Variants in SCN2A observed in about 807,000 individuals in gnomAD.
The protein encoded by SCN2A is sodium voltage-gated channel alpha subunit 2.
A neutral mutation model predicts 188.7 loss-of-function variants in SCN2A; 20 were observed. That is an observed-to-expected ratio of 0.11 (90% CI 0.07 to 0.15). SCN2A has a LOEUF of 0.15. SCN2A is among the 10% of genes least tolerant of loss of function. SCN2A has a pLI of 1.00. For missense variants in SCN2A, 1,278 were observed against 2,445.0 expected (o/e 0.52, Z 10.07); for synonymous variants, 804 against 833.1 (o/e 0.97, Z 0.60).
intron 16 of SCN2A, 32 bp downstream of exon 16, chr2:165,344,943 T>G: frequency 6.2e-7 from 1 of 1,612,988 alleles, no homozygotes; most frequent in Non-Finnish European, 8.5e-7. Flanking sequence ...CTCATTTTCA[T>G]TAAAAGATAA....
At chr2:165,324,965 G>A (rs1447292286) in intron 12 of SCN2A, among the ~76,000 whole-genome samples, 1 of 152,100 alleles carries the variant, frequency 6.6e-6, no homozygotes, top group Non-Finnish European at 1.5e-5. Context: ...CTCATGGGAG[G>A]CTTCTTAAAA....
intron 3 of SCN2A, among the ~76,000 whole-genome samples, chr2:165,307,479 C>T (rs989586085): frequency 3.3e-5 from 5 of 151,978 alleles, no homozygotes; most frequent in African/African-American, 1.2e-4. Context: ...CTTGAATTGT[C>T]TTGTTGAATT....
At chr2:165,340,025 C>CAGAAAGGAAATAGA (rs1333380212) in intron 14 of SCN2A, among the ~76,000 whole-genome samples, 1 of 152,026 alleles carries the variant, frequency 6.6e-6, no homozygotes, top group South Asian at 2.1e-4. Flanking sequence ...ATAAACACTA[C>CAGAAAGGAAATAGA]AGAAAGGAAA....
rs1197406928 is a variant in SCN2A, at chr2:165,391,301, T to C, written c.*1477T>C. The C allele has an allele frequency of 1.3e-5, 2 of 152,558 alleles. No individual in the cohort carries two copies. Among genetic ancestry groups the C allele is most frequent in the Non-Finnish European group, 2.9e-5 (2 of 68,008 alleles). The allele number at this position is 152,558 out of a possible 1,614,324, so 9.5% of individuals were successfully genotyped here. A position where few individuals can be genotyped will look rare whatever the true frequency, so the allele number is the denominator to read the frequency against. ...AACACTCAATGATGAAAAGCCCGAC[T>C]GTACAAACATGTTGCAAGCTGCTTA... On this transcript the variant is annotated 3_prime_UTR_variant, in exon 27 of 27. Coordinates refer to ENST00000375437, the MANE Select transcript of SCN2A (RefSeq NM_001040142.2).
intron 1 of SCN2A, chr2:165,293,757 T>TA (rs1696337621): frequency 1.2e-6 from 1 of 861,874 alleles, no homozygotes; most frequent in Admixed American, 6.2e-5. Flanking sequence ...AATTAACACT[T>TA]AAAATCAACA....
rs146352983 is a variant in SCN2A at position 165,369,444 on chromosome 2, C to T, written c.3676-682C>T. ...AGGTCCTTGTATGGAGCTCTGGTTA[C>T]AAGCCCTGATTCTTGTTATCTAAAA... On this transcript the variant is annotated intron_variant, in intron 19 of 26. Transcript: ENST00000375437. Among the ~76,000 whole-genome samples, 157 of 152,296 alleles carry T rather than the reference C, an allele frequency of 1.0e-3. 4 individuals are homozygous for T. In the East Asian group the frequency reaches 0.028, roughly 28 times the overall value.
rs1700655694 is a variant in SCN2A at position 165,365,126 on chromosome 2, G to A, written c.3400-17G>A. On this transcript the variant is annotated splice_polypyrimidine_tract_variant and intron_variant, in intron 17 of 26. Transcript: ENST00000375437. ...AGAAAATAATTAAATGTGTTTTTTT[G>A]TGGGATTGATTTTCAGAAGCTAAAT... is the stretch of plus-strand genomic sequence containing the variant. 1.9e-6 allele frequency: 3 copies of A among 1,606,402 alleles called. No homozygotes were observed. Among genetic ancestry groups the A allele is most frequent in the Non-Finnish European group, 2.6e-6 (3 of 1,174,594 alleles).
In SCN2A at chr2:165,331,433, T is replaced by C; in HGVS notation, c.2253T>C (p.Leu751=). Residue 751 remains leucine, a synonymous_variant, in exon 14 of 27, where the codon CTT becomes CTC. Transcript: ENST00000375437. ...AACCATGGTTAAAGGTGAAACACCT[T>C]GTCAACCTGGTTGTAATGGACCCAT... ...CCKPWLKVKH[L]VNLVVMDPFV... 1 of 1,613,878 alleles carries C rather than the reference T, an allele frequency of 6.2e-7. No homozygotes were observed. The highest frequency in any genetic ancestry group is 1.1e-5 in the South Asian group (1 of 91,076).
chr2:165,375,416 TAC>T (rs1701256474), intron 22 of SCN2A, among the ~76,000 whole-genome samples: 2 of 151,768 alleles, frequency 1.3e-5, no homozygotes, highest in African/African-American at 4.8e-5. Context: ...TGTATATATA[TAC>T]ACACACGTAT....
Position 165,370,000 on chromosome 2 carries a change from A to C in SCN2A, c.3676-126A>C, listed in dbSNP as rs559599812. The C allele has an allele frequency of 2.0e-4, 148 of 753,276 alleles. 1 individual carries two copies. In the East Asian group the frequency reaches 4.0e-3, roughly 20 times the overall value. 46.7% of individuals were successfully genotyped at this position (753,276 alleles called of 1,614,324 possible). A position where few individuals can be genotyped will look rare whatever the true frequency, so the allele number is the denominator to read the frequency against. ...GATAATGATAAAGTAAAATTCAGCC[A>C]TGGGAAACATTAAACCTTCCAGCCT... On this transcript the variant is annotated intron_variant, in intron 19 of 26. Coordinates refer to ENST00000375437, the MANE Select transcript of SCN2A (RefSeq NM_001040142.2).
chr2:165,258,575 A>G (rs1694431808), intron 1 of SCN2A, among the ~76,000 whole-genome samples: 2 of 152,242 alleles, frequency 1.3e-5, no homozygotes, highest in African/African-American at 2.4e-5. Flanking sequence ...CAGCAACCCC[A>G]TAATTGGGTA....
chr2:165,272,201 A>G (rs1695133612), intron 1 of SCN2A: 1 of 152,112 alleles, frequency 6.6e-6, no homozygotes, highest in Non-Finnish European at 1.5e-5. Flanking sequence ...AGCAAAAGAA[A>G]GCTGATATGG....
chr2:165,240,871 T>C lies in SCN2A; in HGVS notation c.-52+1231T>C, dbSNP rs747178418. 2.6e-5 allele frequency among the ~76,000 whole-genome samples: 4 copies of C among 152,258 alleles called. No individual in the cohort carries two copies. In the South Asian group the frequency reaches 6.2e-4, roughly 24 times the overall value. ...ATGTTTTTTAAATGTGTGGAATCTATAGAGTTTGTAGTTCTACATGGCTCC... is the reference window on the plus strand; with the variant it reads ...ATGTTTTTTAAATGTGTGGAATCTACAGAGTTTGTAGTTCTACATGGCTCC... On this transcript the variant is annotated intron_variant, in intron 1 of 26. Transcript: ENST00000375437.
intron 16 of SCN2A, among the ~76,000 whole-genome samples, chr2:165,345,589 G>T (rs1459926361): frequency 4.1e-5 from 6 of 147,622 alleles, no homozygotes; most frequent in African/African-American, 1.3e-4. Flanking sequence ...TCCTCCATCC[G>T]TTTTTTTTGT....
chr2:165,320,882 T>C (rs1698042131), intron 11 of SCN2A, among the ~76,000 whole-genome samples: 1 of 152,182 alleles, frequency 6.6e-6, no homozygotes, highest in African/African-American at 2.4e-5. Flanking sequence ...GGAGACATTT[T>C]CTCCATTGTC....
At chr2:165,306,504 TTGTGTGTGTG>T (rs10524719) in intron 3 of SCN2A, among the ~76,000 whole-genome samples, 35,429 of 147,362 alleles carry the variant, frequency 0.24, 4,722 homozygotes, top group East Asian at 0.41. Flanking sequence ...AAATGGTATT[TTGTGTGTGTG>T]TGTGTGTGTG....
Position 165,364,913 on chromosome 2 carries a change from A to G in SCN2A, c.3400-230A>G, listed in dbSNP as rs1313123972. On this transcript the variant is annotated intron_variant, in intron 17 of 26. Coordinates refer to ENST00000375437, the MANE Select transcript of SCN2A (RefSeq NM_001040142.2). ...ATCTCTATACATAGGCTCAAACAGA[A>G]GTTATTTCCGTTGTTAGCACCATAT... is the stretch of plus-strand genomic sequence containing the variant. Among the ~76,000 whole-genome samples the G allele has an allele frequency of 2.0e-5, 3 of 152,132 alleles. No individual in the cohort carries two copies. The East Asian group carries it at 5.8e-4, about 29-fold the overall frequency.
At chr2:165,343,894 G>A (rs1011515446) in intron 15 of SCN2A, among the ~76,000 whole-genome samples, 2 of 152,110 alleles carry the variant, frequency 1.3e-5, no homozygotes, top group Admixed American at 1.3e-4. Flanking sequence ...TAAAGATATA[G>A]CTAGATTAAA....
At position 165,389,350 on chromosome 2, in the gene SCN2A, T is replaced by C. The variant is rs761713186; in HGVS notation, c.5544T>C (p.Ser1848=). The C allele has an allele frequency of 3.0e-5, 48 of 1,613,852 alleles. No homozygotes were observed. Among genetic ancestry groups the C allele is most frequent in the Non-Finnish European group, 3.7e-5 (44 of 1,179,978 alleles). ...TTGCCATGGATCTGCCCATGGTGAG[T>C]GGTGACCGGATCCACTGTCTTGACA... ...QLIAMDLPMV[S]GDRIHCLDIL... Residue 1848 remains serine, a synonymous_variant, in exon 27 of 27, where the codon AGT becomes AGC. Coordinates refer to ENST00000375437, the MANE Select transcript of SCN2A (RefSeq NM_001040142.2). This position sits in a 1 kb window ranked among gnomAD's most constrained non-coding sequence, Gnocchi z 4.2.
Sources: gnomAD v4.1 joint callset for allele counts (sites outside exome capture counted in the v4.1 genomes callset) on GRCh38, gnomAD v4.1.1 for gene constraint, Gnocchi (gnomAD v3.1) non-coding constraint, MANE v1.5 for transcripts, NCBI Gene and HGNC (gene_info 2026-07-23, HGNC 2026-07-21) for gene names.